Variants in MEP1A observed in about 807,000 individuals in gnomAD.
The protein encoded by MEP1A is N-benzoyl-L-tyrosyl-P-amino-benzoic acid hydrolase subunit alpha.
MEP1A carries 68 observed loss-of-function variants against 84.5 expected under a neutral mutation model. The ratio of observed to expected loss-of-function variants is 0.80; its 90% CI spans 0.66 to 0.98. MEP1A has a LOEUF of 0.98. Among genes scored for constraint, MEP1A ranks in the 50% least tolerant of loss-of-function variants. MEP1A has a pLI of 0.00. For synonymous variants in MEP1A, 337 were observed against 336.8 expected (o/e 1.00, Z -0.01); for missense variants, 887 against 919.9 (o/e 0.96, Z 0.46).
At chr6:46,826,255 T>C in intron 8 of MEP1A, 99 bp from the exon 9 acceptor site, 1 of 1,083,778 alleles carries the variant, frequency 9.2e-7, no homozygotes, top group Non-Finnish European at 1.3e-6. Flanking sequence ...CTTGTGATCC[T>C]GTCATATCTG....
intron 5 of MEP1A, among the ~76,000 whole-genome samples, chr6:46,803,709 T>C (rs1184677155): frequency 1.3e-5 from 2 of 149,096 alleles, no homozygotes; most frequent in African/African-American, 2.5e-5. Flanking sequence ...TCTAATGTAA[T>C]ATATTCTACA....
At chr6:46,832,863 A>G (rs531754798) in intron 10 of MEP1A, among the ~76,000 whole-genome samples, 3 of 152,332 alleles carry the variant, frequency 2.0e-5, no homozygotes, top group African/African-American at 7.2e-5. Flanking sequence ...TTTAAAATAA[A>G]TCATAGTATT....
chr6:46,795,651 C>A (rs1018522442), intron 3 of MEP1A, among the ~76,000 whole-genome samples: 1 of 152,122 alleles, frequency 6.6e-6, no homozygotes, highest in Non-Finnish European at 1.5e-5. Flanking sequence ...ACTTTTACTG[C>A]CCCTACCTTG....
intron 5 of MEP1A, among the ~76,000 whole-genome samples, chr6:46,807,389 T>C (rs922980042): frequency 6.6e-6 from 1 of 151,268 alleles, no homozygotes; most frequent in East Asian, 1.9e-4. Flanking sequence ...ACCACCTACA[T>C]AAAGACAACT....
At chr6:46,805,913 A>AT (rs1275490269) in intron 5 of MEP1A, among the ~76,000 whole-genome samples, 3 of 151,706 alleles carry the variant, frequency 2.0e-5, no homozygotes, top group Admixed American at 6.6e-5. Context: ...AGACTGGGTG[A>AT]TTTTTTTCCC....
At chr6:46,818,352 G>A (rs1767688379) in intron 6 of MEP1A, among the ~76,000 whole-genome samples, 1 of 152,162 alleles carries the variant, frequency 6.6e-6, no homozygotes, top group Non-Finnish European at 1.5e-5. Flanking sequence ...GAGAACATTG[G>A]CAGGTAAGAC....
intron 5 of MEP1A, among the ~76,000 whole-genome samples, chr6:46,806,234 T>A (rs1165648137): frequency 6.6e-6 from 1 of 152,066 alleles, no homozygotes; most frequent in Non-Finnish European, 1.5e-5. Context: ...TATCTATCAA[T>A]AACAATTTCC....
At chr6:46,818,968 A>C (rs1300252602) in intron 6 of MEP1A, among the ~76,000 whole-genome samples, 1 of 85,524 alleles carries the variant, frequency 1.2e-5, no homozygotes, top group Admixed American at 1.2e-4. Context: ...TCTACAAAAA[A>C]ATAAAAACAT....
chr6:46,814,142 C>T (rs1439698379), intron 6 of MEP1A, among the ~76,000 whole-genome samples: 1 of 152,080 alleles, frequency 6.6e-6, no homozygotes, highest in Non-Finnish European at 1.5e-5. Context: ...CCCTCAAATA[C>T]GTTTTCCAAA....
rs779422762 is a variant in MEP1A, at chr6:46,834,569, A to G, written c.1610-9A>G. ...GTAATGTGATTTTATGTTACCTACA[A>G]CTTTGCAGCGATAAATGACACTGTC... On this transcript the variant is annotated splice_polypyrimidine_tract_variant and intron_variant, in intron 11 of 13. Transcript: ENST00000230588. 3 of 1,586,740 alleles carry G rather than the reference A, an allele frequency of 1.9e-6. No homozygotes were observed. Among genetic ancestry groups the G allele is most frequent in the African/African-American group, 1.3e-5 (1 of 74,512 alleles).
Position 46,826,509 on chromosome 6 carries a change from T to G in MEP1A, c.928+6T>G. ...CTTGTTGGGACAATGCACAGGTCAGTGAAAGTGGAAAGCAAACACATTGAT... is the reference window on the plus strand; with the variant it reads ...CTTGTTGGGACAATGCACAGGTCAGGGAAAGTGGAAAGCAAACACATTGAT... On this transcript the variant is annotated splice_donor_region_variant and intron_variant, in intron 9 of 13. Coordinates refer to ENST00000230588, the MANE Select transcript of MEP1A (RefSeq NM_005588.3). The G allele has an allele frequency of 6.6e-7, 1 of 1,515,920 alleles. No individual in the cohort carries two copies. The highest frequency in any genetic ancestry group is 8.9e-7 in the Non-Finnish European group (1 of 1,126,214). 93.9% of individuals were successfully genotyped at this position (1,515,920 alleles called of 1,614,324 possible).
intron 4 of MEP1A, 46 bp from the exon 5 acceptor site, chr6:46,799,060 C>A (rs1211310246): frequency 8.1e-7 from 1 of 1,236,802 alleles, no homozygotes; most frequent in Admixed American, 1.7e-5. Flanking sequence ...GTCAAGGTGA[C>A]CTTGAGGACT....
At chr6:46,838,153 A>G (rs1184539916) in intron 13 of MEP1A, among the ~76,000 whole-genome samples, 2 of 151,232 alleles carry the variant, frequency 1.3e-5, no homozygotes, top group African/African-American at 4.9e-5. Context: ...CCGGCCTCCC[A>G]AAGTGCTGGT....
chr6:46,800,380 G>A lies in MEP1A; in HGVS notation c.262+1199G>A, dbSNP rs563232424. Among the ~76,000 whole-genome samples the A allele has an allele frequency of 2.0e-5, 3 of 152,286 alleles. No homozygotes were observed. The South Asian group carries it at 6.2e-4, about 32-fold the overall frequency. On this transcript the variant is annotated intron_variant, in intron 5 of 13. Coordinates refer to ENST00000230588, the MANE Select transcript of MEP1A (RefSeq NM_005588.3). ...TCCTGTTAACCTACAGAGTAGGTCA[G>A]CGTTGGTGTGTGAGATGTTGCATGT...
intron 3 of MEP1A, among the ~76,000 whole-genome samples, chr6:46,797,580 T>C (rs1393652795): frequency 6.6e-6 from 1 of 152,064 alleles, no homozygotes; most frequent in Non-Finnish European, 1.5e-5. Context: ...GGTATCATCG[T>C]TTTTTCATGG....
intron 12 of MEP1A, among the ~76,000 whole-genome samples, 168 bp downstream of exon 12, chr6:46,834,919 T>A (rs1247767678): frequency 6.6e-6 from 1 of 152,204 alleles, no homozygotes; most frequent in East Asian, 1.9e-4. Context: ...TTTATTTTAA[T>A]TGTCCTTGAA....
chr6:46,824,802 T>C (rs1562113496), intron 7 of MEP1A, among the ~76,000 whole-genome samples: 1 of 125,156 alleles, frequency 8.0e-6, no homozygotes, highest in South Asian at 2.5e-4. Flanking sequence ...TAAATATATA[T>C]AAATGATGTA....
Position 46,826,383 on chromosome 6 carries a change from AC to A in MEP1A, c.809del (p.Thr270IlefsTer10). 1.9e-6 allele frequency: 3 copies of A among 1,609,158 alleles called. No homozygotes were observed. Among genetic ancestry groups the A allele is most frequent in the Non-Finnish European group, 2.5e-6 (3 of 1,177,696 alleles). Reference protein sequence around the residue: ...TTTHTLLDHCTFEKANICGMI... With the variant: ...TTTHTLLDHCXFEKANICGMI... ...AACTCACACTCTTTTGGACCACTGT[AC>A]TTTTGAGAAGGCAAACATCTGTGGA... On this transcript the variant is annotated frameshift_variant, in exon 9 of 14. Transcript: ENST00000230588. LOFTEE classifies it high-confidence loss of function.
At position 46,837,229 on chromosome 6, in the gene MEP1A, T is replaced by A. The variant is rs187992731; in HGVS notation, c.2084+1680T>A. Among the ~76,000 whole-genome samples the A allele has an allele frequency of 7.1e-3, 1,078 of 152,376 alleles. 13 individuals carry two copies. The highest frequency in any genetic ancestry group is 0.023 in the African/African-American group (958 of 41,586). ...CCTTCACCCCGTTAATTTGTTTATG[T>A]GATTGTTTATTCACATCACGAAGGA... On this transcript the variant is annotated intron_variant, in intron 13 of 13. Transcript: ENST00000230588.
Sources: gnomAD v4.1 joint callset for allele counts (sites outside exome capture counted in the v4.1 genomes callset) on GRCh38, gnomAD v4.1.1 for gene constraint, MANE v1.5 for transcripts, NCBI Gene and HGNC (gene_info 2026-07-23, HGNC 2026-07-21) for gene names.